RAB13: variants seen among roughly 807,000 people sequenced by gnomAD.
The protein encoded by RAB13 is ras-related protein Rab-13.
In RAB13, 15 loss-of-function variants were observed where a neutral mutation model predicts 29.3. That is an observed-to-expected ratio of 0.51 (90% CI 0.34 to 0.79). The LOEUF is 0.79. Among genes scored for constraint, RAB13 ranks in the 30% least tolerant of loss-of-function variants. The pLI, the probability that RAB13 is intolerant of heterozygous loss-of-function variation, is 0.01. For synonymous variants in RAB13, 82 were observed against 93.8 expected (o/e 0.87, Z 0.73); for missense variants, 186 against 255.5 (o/e 0.73, Z 1.85).
intron 1 of RAB13, 46 bp from the exon 2 acceptor site, chr1:153,984,827 A>T (rs1341333221): frequency 1.3e-6 from 2 of 1,575,582 alleles, no homozygotes; most frequent in Admixed American, 3.6e-5. Flanking sequence ...GCATGCACAC[A>T]TGTAAAACTG....
At chr1:153,985,074 C>A in intron 1 of RAB13, 1 of 1,131,384 alleles carries the variant, frequency 8.8e-7, no homozygotes, top group Non-Finnish European at 1.1e-6. Context: ...TTCAGTTATA[C>A]CAGCTGACAA....
intron 1 of RAB13, 85 bp from the exon 2 acceptor site, chr1:153,984,866 T>C: frequency 6.9e-7 from 1 of 1,456,744 alleles, no homozygotes; most frequent in Non-Finnish European, 9.2e-7. Context: ...AACGGAGCAG[T>C]GCTGGCACCA....
At chr1:153,987,528 AAAAG>A (rs1553215351), upstream of RAB13, among the ~76,000 whole-genome samples, 54 of 127,520 alleles carry the variant, frequency 4.2e-4, no homozygotes, top group Middle Eastern at 4.4e-3. Context: ...AAAAAAAAAA[AAAAG>A]AAAGAAAGAA....
chr1:153,988,120 A>G (rs542327201), upstream of RAB13, among the ~76,000 whole-genome samples: 1 of 149,222 alleles, frequency 6.7e-6, no homozygotes, highest in South Asian at 2.1e-4. Flanking sequence ...GAGTACCTGT[A>G]ATCCTCTGGG....
At position 153,982,606 on chromosome 1, in the gene RAB13, AG is replaced by A. The variant is rs1402635237; in HGVS notation, c.415-7del. 1.9e-6 allele frequency: 3 copies of A among 1,613,246 alleles called. No homozygotes were observed. In the African/African-American group the frequency reaches 4.0e-5, roughly 22 times the overall value. ...ATTCCATGCTCTCGAGCCAACTATA[AG>A]GGGTGAAGTGGGAAGAGAATTGAAT... On this transcript the variant is annotated splice_polypyrimidine_tract_variant and splice_region_variant and intron_variant, in intron 5 of 7. Coordinates refer to ENST00000368575, the MANE Select transcript of RAB13 (RefSeq NM_002870.5).
chr1:153,990,660 T>C (rs1021594459), upstream of RAB13: 8 of 1,186,258 alleles, frequency 6.7e-6, no homozygotes, highest in Non-Finnish European at 1.0e-5. Context: ...GTCTCCCCAC[T>C]GCGGCGGATC....
At chr1:153,982,979 G>T in intron 4 of RAB13, 171 bp from the exon 5 acceptor site, 1 of 741,130 alleles carries the variant, frequency 1.3e-6, no homozygotes, top group Non-Finnish European at 2.3e-6. Context: ...TGCAAAATTA[G>T]CCGAGCATGG....
upstream of RAB13, chr1:153,986,371 G>C (rs1171526048): frequency 1.2e-5 from 9 of 739,434 alleles, no homozygotes. Context: ...CAGGCTCCGG[G>C]AAAGAGGAGA....
At chr1:153,984,372 T>C (rs1022943652) in intron 2 of RAB13, among the ~76,000 whole-genome samples, 1 of 152,186 alleles carries the variant, frequency 6.6e-6, no homozygotes, top group Admixed American at 6.5e-5. Context: ...GGGCTCACCA[T>C]ATTTTGGAGA....
rs933742861 is a variant in RAB13, at chr1:153,985,245, A to G, written c.125-464T>C. On this transcript the variant is annotated intron_variant, in intron 1 of 7. Transcript: ENST00000368575. ...TCTATGTGAATTAACTAGTGGGCCA[A>G]ACTTGGCACTAGGAAAGTCTGAGGC... is the stretch of plus-strand genomic sequence containing the variant. 5 of 986,430 alleles carry G rather than the reference A, an allele frequency of 5.1e-6. No homozygotes were observed. In the African/African-American group the frequency reaches 8.7e-5, roughly 17 times the overall value. The allele number at this position is 986,430 out of a possible 1,614,324, so 61.1% of individuals were successfully genotyped here.
Position 153,986,259 on chromosome 1 carries a change from G to A in RAB13, c.-23C>T. The A allele has an allele frequency of 6.2e-7, 1 of 1,601,596 alleles. No individual in the cohort carries two copies. Among genetic ancestry groups the A allele is most frequent in the Non-Finnish European group, 8.5e-7 (1 of 1,171,588 alleles). On this transcript the variant is annotated 5_prime_UTR_variant, in exon 1 of 8. Coordinates refer to ENST00000368575, the MANE Select transcript of RAB13 (RefSeq NM_002870.5). ...CATGGCGGACACCGGGGGAGCCGGGGGAGGGGTGGGGAGCGCCCGGCACTG... is the reference window on the plus strand; with the variant it reads ...CATGGCGGACACCGGGGGAGCCGGGAGAGGGGTGGGGAGCGCCCGGCACTG...
intron 2 of RAB13, among the ~76,000 whole-genome samples, 175 bp downstream of exon 2, chr1:153,984,546 C>T (rs541489003): frequency 6.6e-6 from 1 of 152,092 alleles, no homozygotes; most frequent in Admixed American, 6.5e-5. Context: ...GTTGGGAGAG[C>T]AGGAAGAGAG....
chr1:153,981,690 G>A lies in RAB13; in HGVS notation c.*409C>T, dbSNP rs1648975544. On this transcript the variant is annotated 3_prime_UTR_variant, in exon 8 of 8. Transcript: ENST00000368575. The stretch of plus-strand genomic sequence containing the variant: ...GGCCTTTAATACCAAGAAAGACCAT[G>A]ACAAGTGACAGAACAGGAGCAAATT... The A allele has an allele frequency of 5.2e-6, 1 of 192,472 alleles. No individual in the cohort carries two copies. Among genetic ancestry groups the A allele is most frequent in the Admixed American group, 5.4e-5 (1 of 18,418 alleles). 11.9% of individuals were successfully genotyped at this position (192,472 alleles called of 1,614,324 possible).
chr1:153,986,125 T>G lies in RAB13; in HGVS notation c.112A>C (p.Ile38Leu), dbSNP rs1649160287. ...FAEDNFNNTY[I>L]STIGIDFKIR... Reference sequence around the variant, plus strand: ...CCAGCGGGCTCACCGATGGTGGAGATGTAAGTGTTGTTGAAGTTGTCCTCT... The same window carrying G: ...CCAGCGGGCTCACCGATGGTGGAGAGGTAAGTGTTGTTGAAGTTGTCCTCT... Residue 38 changes from isoleucine to leucine, a missense_variant, in exon 1 of 8, where the codon ATC becomes CTC. Coordinates refer to ENST00000368575, the MANE Select transcript of RAB13 (RefSeq NM_002870.5). 1 of 1,613,156 alleles carries G rather than the reference T, an allele frequency of 6.2e-7. No homozygotes were observed. Among genetic ancestry groups the G allele is most frequent in the Non-Finnish European group, 8.5e-7 (1 of 1,179,778 alleles).
chr1:153,990,183 A>T (rs1649312727), upstream of RAB13, among the ~76,000 whole-genome samples: 2 of 152,078 alleles, frequency 1.3e-5, no homozygotes, highest in Non-Finnish European at 2.9e-5. Flanking sequence ...CTCCTGCCTC[A>T]GCCTCCAGAG....
At chr1:153,985,474 G>T in intron 1 of RAB13, 1 of 642,736 alleles carries the variant, frequency 1.6e-6, no homozygotes, top group Non-Finnish European at 1.9e-6. Flanking sequence ...CTGGGAGGAG[G>T]ATGAGTCACC....
At chr1:153,982,302 AACACACACACACAC>A (rs56853500) in intron 7 of RAB13, 75 bp downstream of exon 7, 42 of 1,297,902 alleles carry the variant, frequency 3.2e-5, no homozygotes, top group East Asian at 1.2e-4. Context: ...TATCAACACC[AACACACACACACAC>A]ACACACACAC....
At chr1:153,986,803 A>G (rs1392575587), upstream of RAB13, among the ~76,000 whole-genome samples, 3 of 152,200 alleles carry the variant, frequency 2.0e-5, no homozygotes, top group African/African-American at 7.2e-5. Context: ...AGGCAGTCCT[A>G]GAATTTTACT....
At chr1:153,986,415 C>T (rs1428765517), upstream of RAB13, 2 of 606,058 alleles carry the variant, frequency 3.3e-6, no homozygotes, top group African/African-American at 3.7e-5. Flanking sequence ...CCCCTGCCCG[C>T]CCACCCTTTT....
Sources: allele counts gnomAD v4.1 joint callset (sites outside exome capture counted in the v4.1 genomes callset), GRCh38; gene constraint gnomAD v4.1.1; transcripts MANE v1.5; gene names NCBI Gene and HGNC (gene_info 2026-07-23, HGNC 2026-07-21).